Variants in RUNX1 observed in about 807,000 individuals in gnomAD.
RUNX1 encodes the protein runt-related transcription factor 1.
A neutral mutation model predicts 42.8 loss-of-function variants in RUNX1; 19 were observed. The ratio of observed to expected loss-of-function variants is 0.44; its 90% CI spans 0.31 to 0.65. RUNX1 has a LOEUF of 0.65. Among genes scored for constraint, RUNX1 ranks in the 30% least tolerant of loss-of-function variants. The pLI, the probability that RUNX1 is intolerant of heterozygous loss-of-function variation, is 0.07. For synonymous variants in RUNX1, 271 were observed against 289.4 expected (o/e 0.94, Z 0.64); for missense variants, 528 against 672.0 (o/e 0.79, Z 2.37).
At chr21:34,848,319 C>T (rs1370858539) in intron 6 of RUNX1, among the ~76,000 whole-genome samples, 1 of 152,236 alleles carries the variant, frequency 6.6e-6, no homozygotes. Flanking sequence ...ATCCTCACAT[C>T]CCCTAGCAAG....
At chr21:34,864,828 AAAC>A (rs773001372) in intron 5 of RUNX1, among the ~76,000 whole-genome samples, 3 of 152,204 alleles carry the variant, frequency 2.0e-5, no homozygotes, top group Non-Finnish European at 4.4e-5. Context: ...TGAGAACAAA[AAAC>A]AACAGGGCAG....
At position 34,821,518 on chromosome 21, in the gene RUNX1, C is replaced by T. The variant is rs370265910; in HGVS notation, c.805+12892G>A. 29 of 1,503,718 alleles carry T rather than the reference C, an allele frequency of 1.9e-5. No homozygotes were observed. In the African/African-American group the frequency reaches 2.1e-4, roughly 11 times the overall value. The allele number at this position is 1,503,718 out of a possible 1,614,324, so 93.1% of individuals were successfully genotyped here. A position where few individuals can be genotyped will look rare whatever the true frequency, so the allele number is the denominator to read the frequency against. On this transcript the variant is annotated intron_variant, in intron 7 of 8. Transcript: ENST00000675419. ...GGTTTGCAGAGGGGGAGAAGGGACA[C>T]GGAGGAATTACAGACCCACATTCTG...
At chr21:34,942,083 G>C (rs1387227253) in intron 2 of RUNX1, among the ~76,000 whole-genome samples, 1 of 152,076 alleles carries the variant, frequency 6.6e-6, no homozygotes, top group East Asian at 1.9e-4. Context: ...ATACCAGATT[G>C]AATTAGTGAG....
chr21:35,043,202 C>T (rs940119950), intron 2 of RUNX1, among the ~76,000 whole-genome samples: 4 of 152,122 alleles, frequency 2.6e-5, no homozygotes, highest in Non-Finnish European at 4.4e-5. Flanking sequence ...GGAAATGCTC[C>T]CTTTTTACCA....
chr21:34,940,145 G>GT (rs2058516097), intron 2 of RUNX1, among the ~76,000 whole-genome samples: 1 of 152,140 alleles, frequency 6.6e-6, no homozygotes, highest in Non-Finnish European at 1.5e-5. Context: ...CTCATGGGTG[G>GT]TATGAGTTGA....
intron 5 of RUNX1, among the ~76,000 whole-genome samples, chr21:34,874,442 T>G (rs2057784232): frequency 6.6e-6 from 1 of 150,814 alleles, no homozygotes; most frequent in South Asian, 2.1e-4. Flanking sequence ...AAACCTCGTC[T>G]CTACTAAAAA....
Position 34,791,825 on chromosome 21 carries a change from G to C in RUNX1, c.*310C>G, listed in dbSNP as rs946150762. ...AGAAGCATTCACAGTTTCCCTCCGG[G>C]AATCTTCCTGTTTGCTTTCCAGCGC... On this transcript the variant is annotated 3_prime_UTR_variant, in exon 9 of 9. Transcript: ENST00000675419. 1.7e-5 allele frequency: 4 copies of C among 235,688 alleles called. No individual in the cohort carries two copies. Among genetic ancestry groups the C allele is most frequent in the Admixed American group, 1.7e-4 (3 of 17,696 alleles). The allele number at this position is 235,688 out of a possible 1,614,324, so 14.6% of individuals were successfully genotyped here.
At chr21:34,795,171 C>A (rs1050158422) in intron 8 of RUNX1, among the ~76,000 whole-genome samples, 4 of 152,196 alleles carry the variant, frequency 2.6e-5, no homozygotes, top group African/African-American at 9.7e-5. Context: ...GGCCTGTGTC[C>A]TTTTGAGTTC....
intron 7 of RUNX1, among the ~76,000 whole-genome samples, chr21:34,815,070 GA>G (rs149504833): frequency 7.2e-4 from 107 of 149,502 alleles, no homozygotes; most frequent in Non-Finnish European, 1.1e-3. Context: ...CGTCTTCTTT[GA>G]AAAAAAAAAT....
At chr21:34,972,862 C>T (rs953425524) in intron 2 of RUNX1, among the ~76,000 whole-genome samples, 19 of 152,286 alleles carry the variant, frequency 1.2e-4, no homozygotes, top group African/African-American at 4.1e-4. Flanking sequence ...GAGCCTGATG[C>T]TCCCTTTGAC....
chr21:34,817,492 T>C (rs944587000), intron 7 of RUNX1, among the ~76,000 whole-genome samples: 15 of 152,088 alleles, frequency 9.9e-5, no homozygotes, highest in African/African-American at 3.6e-4. Flanking sequence ...AAGTTGTGTA[T>C]GGATGAGAAG....
In RUNX1 at chr21:34,791,693, T is replaced by TCC. The variant is rs1196393640; in HGVS notation, c.*440_*441dup. On this transcript the variant is annotated 3_prime_UTR_variant, in exon 9 of 9. Coordinates refer to ENST00000675419, the MANE Select transcript of RUNX1 (RefSeq NM_001754.5). ...AACAGGGCGAGTTGCATCCCTCCTC[T>TCC]CCCCCCACCCCAACCAAAATTCCAC... The TCC allele has an allele frequency of 4.3e-6, 1 of 230,132 alleles. No homozygotes were observed. The highest frequency in any genetic ancestry group is 8.6e-6 in the Non-Finnish European group (1 of 116,046). The allele number at this position is 230,132 out of a possible 1,614,324, so 14.3% of individuals were successfully genotyped here. A position where few individuals can be genotyped will look rare whatever the true frequency, so the allele number is the denominator to read the frequency against.
chr21:34,813,204 T>G (rs1180879708), intron 7 of RUNX1, among the ~76,000 whole-genome samples: 1 of 152,154 alleles, frequency 6.6e-6, no homozygotes, highest in African/African-American at 2.4e-5. Flanking sequence ...CCAGGAATGC[T>G]GCTCAACATC....
chr21:35,048,774 A>G, intron 2 of RUNX1, 68 bp downstream of exon 2: 1 of 1,363,970 alleles, frequency 7.3e-7, no homozygotes, highest in Non-Finnish European at 1.1e-6. Flanking sequence ...CCGAGGTGAA[A>G]CAAGCTGCCA....
chr21:35,034,778 C>T (rs2059295932), intron 2 of RUNX1, among the ~76,000 whole-genome samples: 1 of 152,210 alleles, frequency 6.6e-6, no homozygotes, highest in Admixed American at 6.5e-5. Flanking sequence ...GGCAGATCCT[C>T]AGCCTCCATG....
At chr21:35,009,335 C>T (rs2059108420) in intron 2 of RUNX1, among the ~76,000 whole-genome samples, 1 of 152,178 alleles carries the variant, frequency 6.6e-6, no homozygotes, top group African/African-American at 2.4e-5. Context: ...GATGTCTTCT[C>T]TGCTTTCTAG....
At chr21:35,030,068 G>A (rs945644512) in intron 2 of RUNX1, among the ~76,000 whole-genome samples, 1 of 152,184 alleles carries the variant, frequency 6.6e-6, no homozygotes, top group Admixed American at 6.5e-5. Flanking sequence ...GTGAGGCCGG[G>A]TGCGGTGGCT....
chr21:34,829,577 T>G (rs2057035063), intron 7 of RUNX1, among the ~76,000 whole-genome samples: 1 of 152,252 alleles, frequency 6.6e-6, no homozygotes, highest in Admixed American at 6.5e-5. Flanking sequence ...TTAAAAGCTA[T>G]TTTTAAATGA....
chr21:34,851,440 A>G lies in RUNX1; in HGVS notation c.613+8034T>C, dbSNP rs145062270. Among the ~76,000 whole-genome samples the G allele has an allele frequency of 3.6e-3, 542 of 152,348 alleles. 1 individual carries two copies. The highest frequency in any genetic ancestry group is 0.012 in the African/African-American group (517 of 41,580). ...TTGCCTGGTTCAACAGGAGAGGAAAATGAAGACGAAAGTATTTAAGATAAT... is the reference window on the plus strand; with the variant it reads ...TTGCCTGGTTCAACAGGAGAGGAAAGTGAAGACGAAAGTATTTAAGATAAT... On this transcript the variant is annotated intron_variant, in intron 6 of 8. Transcript: ENST00000675419.
Sources: allele counts gnomAD v4.1 joint callset (sites outside exome capture counted in the v4.1 genomes callset), GRCh38; gene constraint gnomAD v4.1.1; transcripts MANE v1.5; gene names NCBI Gene and HGNC (gene_info 2026-07-23, HGNC 2026-07-21).